RERE: variants seen among roughly 807,000 people sequenced by gnomAD.
RERE encodes the protein arginine-glutamic acid dipeptide repeats.
Under a neutral mutation model 146.1 loss-of-function variants are expected in RERE, and 40 were observed. The observed-to-expected ratio is 0.27, with a 90% CI of 0.21 to 0.36. RERE has a LOEUF of 0.36. RERE is among the 10% of genes least tolerant of loss of function. The pLI, the probability that RERE is intolerant of heterozygous loss-of-function variation, is 1.00. For missense variants in RERE, 1,933 were observed against 2,138.7 expected, an observed-to-expected ratio of 0.90 and a Z score of 1.90; for synonymous variants, 1,003 against 866.0, an observed-to-expected ratio of 1.16 and a Z score of -2.78.
At chr1:8,698,400 G>A (rs1239513635) in intron 1 of RERE, among the ~76,000 whole-genome samples, 1 of 152,184 alleles carries the variant, frequency 6.6e-6, no homozygotes, top group Non-Finnish European at 1.5e-5. Flanking sequence ...TAGATAATGT[G>A]GTGAGCTACT....
chr1:8,522,093 C>G lies in RERE; in HGVS notation c.831-13418G>C, dbSNP rs182987512. 6.8e-4 allele frequency among the ~76,000 whole-genome samples: 103 copies of G among 152,312 alleles called. 1 individual carries two copies. Among genetic ancestry groups the G allele is most frequent in the African/African-American group, 2.4e-3 (101 of 41,560 alleles). On this transcript the variant is annotated intron_variant, in intron 7 of 22. Coordinates refer to ENST00000400908, the MANE Select transcript of RERE (RefSeq NM_001042681.2). ...TTTAAAAGTACATTCAAGCATGAGT[C>G]TCATTAGACCAAAAAGAAAAATAAA...
chr1:8,456,887 G>GT (rs1478310185), intron 11 of RERE, among the ~76,000 whole-genome samples: 10 of 152,092 alleles, frequency 6.6e-5, no homozygotes, highest in Admixed American at 1.3e-4. Flanking sequence ...CCTCTACCTG[G>GT]TATTTCCTAT....
chr1:8,738,275 T>C (rs2124498332), intron 1 of RERE, among the ~76,000 whole-genome samples: 1 of 152,224 alleles, frequency 6.6e-6, no homozygotes, highest in Admixed American at 6.5e-5. Context: ...CTTTCTTTTG[T>C]TGTTGTTCTT....
intron 16 of RERE, 73 bp from the exon 17 acceptor site, chr1:8,361,949 CG>C: frequency 9.1e-7 from 1 of 1,103,076 alleles, no homozygotes; most frequent in South Asian, 1.3e-5. Context: ...AAGGAAATGA[CG>C]GTTTGCAGAC....
chr1:8,465,576 T>C, intron 11 of RERE: 1 of 364,760 alleles, frequency 2.7e-6, no homozygotes, highest in Non-Finnish European at 5.4e-6. Flanking sequence ...TTAGGTTATA[T>C]GTCCACGGGT....
At chr1:8,739,733 T>C (rs1254639682) in intron 1 of RERE, among the ~76,000 whole-genome samples, 1 of 152,046 alleles carries the variant, frequency 6.6e-6, no homozygotes, top group Non-Finnish European at 1.5e-5. Flanking sequence ...ATCCTTGATT[T>C]TTCCTCCAGT....
intron 11 of RERE, among the ~76,000 whole-genome samples, chr1:8,433,473 C>T (rs1055227069): frequency 6.6e-6 from 1 of 152,160 alleles, no homozygotes; most frequent in Non-Finnish European, 1.5e-5. Context: ...GACCTGTTTC[C>T]CAGGCTAGTC....
intron 1 of RERE, chr1:8,753,287 T>A (rs1319879324): frequency 6.6e-6 from 1 of 152,192 alleles, no homozygotes; most frequent in Non-Finnish European, 1.5e-5. Flanking sequence ...GATCTATACC[T>A]TTTTCAGTCA....
chr1:8,362,650 A>G (rs780983152), intron 16 of RERE, 33 bp downstream of exon 16: 2 of 1,613,652 alleles, frequency 1.2e-6, no homozygotes, highest in Non-Finnish European at 8.5e-7. Flanking sequence ...AGGGAGGGAC[A>G]GAGTAGGCCC....
intron 12 of RERE, among the ~76,000 whole-genome samples, chr1:8,416,735 C>G (rs1643785390): frequency 6.6e-6 from 1 of 151,864 alleles, no homozygotes; most frequent in Non-Finnish European, 1.5e-5. Context: ...ACAATTTTAA[C>G]AGAATAAAGA....
rs76911411 is a variant in RERE at position 8,384,407 on chromosome 1, G to A, written c.1285-18433C>T. ...GAACATGCTTCTCTGGATGCCATGAGGTACTAAAACACCTGTATCTTAAAG... is the reference window on the plus strand; with the variant it reads ...GAACATGCTTCTCTGGATGCCATGAAGTACTAAAACACCTGTATCTTAAAG... On this transcript the variant is annotated intron_variant, in intron 12 of 22. Transcript: ENST00000400908. Among the ~76,000 whole-genome samples the A allele has an allele frequency of 8.8e-3, 1,334 of 152,246 alleles. 18 individuals carry two copies. Among genetic ancestry groups the A allele is most frequent in the African/African-American group, 0.031 (1,272 of 41,528 alleles).
chr1:8,589,454 A>G (rs1646466537), intron 4 of RERE, among the ~76,000 whole-genome samples: 2 of 152,184 alleles, frequency 1.3e-5, no homozygotes, highest in South Asian at 2.1e-4. Context: ...ACAAACAAAC[A>G]AACACTACTG....
chr1:8,756,077 T>C (rs1170749494), intron 1 of RERE, among the ~76,000 whole-genome samples: 1 of 152,164 alleles, frequency 6.6e-6, no homozygotes, highest in African/African-American at 2.4e-5. Flanking sequence ...GAGGGATTGT[T>C]TGAGCCTAGA....
chr1:8,444,756 C>T (rs1644295214), intron 11 of RERE, among the ~76,000 whole-genome samples: 1 of 152,006 alleles, frequency 6.6e-6, no homozygotes, highest in Non-Finnish European at 1.5e-5. Context: ...TGTGTAGCAG[C>T]CCCACCCCCT....
At chr1:8,754,715 CAT>C (rs1404197960) in intron 1 of RERE, among the ~76,000 whole-genome samples, 1 of 152,182 alleles carries the variant, frequency 6.6e-6, no homozygotes, top group African/African-American at 2.4e-5. Context: ...TCATTTAAAA[CAT>C]AAAGATTTTC....
chr1:8,690,882 A>T (rs1438794582), intron 1 of RERE, among the ~76,000 whole-genome samples: 1 of 151,930 alleles, frequency 6.6e-6, no homozygotes, highest in Non-Finnish European at 1.5e-5. Flanking sequence ...ATTTTAGTTT[A>T]TTTTTTATTT....
rs956096603 is a variant in RERE at position 8,699,352 on chromosome 1, C to T, written c.-144-42911G>A. Among the ~76,000 whole-genome samples the T allele has an allele frequency of 4.6e-5, 7 of 152,200 alleles. No homozygotes were observed. The East Asian group carries it at 5.8e-4, about 13-fold the overall frequency. On this transcript the variant is annotated intron_variant, in intron 1 of 22. Coordinates refer to ENST00000400908, the MANE Select transcript of RERE (RefSeq NM_001042681.2). ...CAGACAGCCTAACTATTTACCACTA[C>T]GCTGTACTGAATAAATTAATGAATT... is the stretch of plus-strand genomic sequence containing the variant.
chr1:8,541,479 T>C (rs138179570), intron 6 of RERE, among the ~76,000 whole-genome samples, 161 bp from the exon 7 acceptor site: 260 of 152,350 alleles, frequency 1.7e-3, no homozygotes, highest in African/African-American at 6.1e-3. Flanking sequence ...GTTTCATGAC[T>C]GCTTCACTGT....
At chr1:8,626,553 A>T (rs1490561270) in intron 2 of RERE, among the ~76,000 whole-genome samples, 2 of 152,194 alleles carry the variant, frequency 1.3e-5, no homozygotes, top group South Asian at 2.1e-4. Context: ...CACAAATGAC[A>T]TCTCCAACCA....
Sources: gnomAD v4.1 joint callset for allele counts (sites outside exome capture counted in the v4.1 genomes callset) on GRCh38, gnomAD v4.1.1 for gene constraint, MANE v1.5 for transcripts, NCBI Gene and HGNC (gene_info 2026-07-23, HGNC 2026-07-21) for gene names.